Variants in CACNA2D1 observed in about 807,000 individuals in gnomAD.
CACNA2D1 encodes voltage-dependent calcium channel subunit alpha-2/delta-1.
A neutral mutation model predicts 171.5 loss-of-function variants in CACNA2D1; 53 were observed. The ratio of observed to expected loss-of-function variants is 0.31; its 90% CI spans 0.25 to 0.39. The LOEUF (loss-of-function observed/expected upper bound fraction) is 0.39, where lower values mean the gene tolerates loss of function less well. CACNA2D1 is among the 10% of genes least tolerant of loss of function. The pLI, the probability that CACNA2D1 is intolerant of heterozygous loss-of-function variation, is 1.00. For missense variants in CACNA2D1, 903 were observed against 1,299.8 expected (o/e 0.69, Z 4.69); for synonymous variants, 442 against 443.1 (o/e 1.00, Z 0.03).
chr7:82,419,951 G>A (rs1828565722), intron 1 of CACNA2D1, among the ~76,000 whole-genome samples: 1 of 152,126 alleles, frequency 6.6e-6, no homozygotes, highest in African/African-American at 2.4e-5. Flanking sequence ...ATTGCTTACT[G>A]GCATTTACTA....
intron 12 of CACNA2D1, among the ~76,000 whole-genome samples, chr7:82,031,791 G>C (rs555953908): frequency 6.6e-6 from 1 of 151,798 alleles, no homozygotes; most frequent in Non-Finnish European, 1.5e-5. Context: ...CAATCCATGT[G>C]TGTTCCTCAA....
intron 1 of CACNA2D1, among the ~76,000 whole-genome samples, chr7:82,432,820 GTTCTT>G (rs1829808804): frequency 6.6e-6 from 1 of 152,290 alleles, no homozygotes; most frequent in African/African-American, 2.4e-5. Context: ...AGAACTATTT[GTTCTT>G]TTATCTGTTT....
At chr7:82,265,416 C>CTTTTTTTTTTT (rs765047961) in intron 3 of CACNA2D1, among the ~76,000 whole-genome samples, 7 of 77,276 alleles carry the variant, frequency 9.1e-5, no homozygotes, top group Non-Finnish European at 1.5e-4. Flanking sequence ...TTTTTCCTTT[C>CTTTTTTTTTTT]TTTTTTTTTT....
intron 3 of CACNA2D1, among the ~76,000 whole-genome samples, chr7:82,217,282 T>C (rs1222249563): frequency 6.6e-6 from 1 of 150,984 alleles, no homozygotes; most frequent in Non-Finnish European, 1.5e-5. Flanking sequence ...AATCAACTAA[T>C]AAAGATAAAC....
At chr7:82,366,090 C>T (rs1821668708) in intron 1 of CACNA2D1, among the ~76,000 whole-genome samples, 2 of 152,186 alleles carry the variant, frequency 1.3e-5, no homozygotes, top group African/African-American at 4.8e-5. Context: ...CCACTCGTTG[C>T]TACAGCACAG....
At chr7:82,070,910 AGAGATGACG>A (rs1382763813) in intron 7 of CACNA2D1, among the ~76,000 whole-genome samples, 2 of 152,216 alleles carry the variant, frequency 1.3e-5, no homozygotes, top group Non-Finnish European at 2.9e-5. Flanking sequence ...AATCCACCAC[AGAGATGACG>A]GAGATGAGGA....
intron 10 of CACNA2D1, among the ~76,000 whole-genome samples, chr7:82,046,036 A>T (rs766171482): frequency 4.6e-5 from 7 of 152,130 alleles, no homozygotes; most frequent in Non-Finnish European, 8.8e-5. Flanking sequence ...AACTTTAGAA[A>T]TTTTTGTCAA....
intron 1 of CACNA2D1, among the ~76,000 whole-genome samples, chr7:82,411,892 A>ATC (rs1001359411): frequency 5.7e-5 from 7 of 123,656 alleles, no homozygotes; most frequent in Admixed American, 2.9e-4. Context: ...CGAAAACTAA[A>ATC]TCTCACACAC....
At chr7:81,971,340 T>A (rs765466295) in intron 26 of CACNA2D1, among the ~76,000 whole-genome samples, 2 of 151,600 alleles carry the variant, frequency 1.3e-5, no homozygotes, top group Admixed American at 1.3e-4. Flanking sequence ...GCCTTCATTA[T>A]GAGGTAGAGA....
At chr7:82,190,253 A>G (rs915518712) in intron 3 of CACNA2D1, among the ~76,000 whole-genome samples, 1 of 151,886 alleles carries the variant, frequency 6.6e-6, no homozygotes, top group South Asian at 2.1e-4. Context: ...TGTTCTATGC[A>G]TGAGGAATTT....
At chr7:82,145,957 T>C (rs1156667840) in intron 4 of CACNA2D1, among the ~76,000 whole-genome samples, 2 of 152,160 alleles carry the variant, frequency 1.3e-5, no homozygotes, top group African/African-American at 2.4e-5. Flanking sequence ...TTGCCACATA[T>C]CACTTTACAT....
intron 4 of CACNA2D1, among the ~76,000 whole-genome samples, chr7:82,158,012 CA>C (rs1371098855): frequency 3.3e-5 from 5 of 151,672 alleles, no homozygotes; most frequent in East Asian, 3.9e-4. Context: ...ATATATTCAG[CA>C]TAGCTGAATA....
chr7:82,030,519 T>C (rs929861140), intron 12 of CACNA2D1, among the ~76,000 whole-genome samples: 3 of 151,678 alleles, frequency 2.0e-5, no homozygotes, highest in African/African-American at 7.2e-5. Context: ...TCTTTTAAAA[T>C]CGGATATATC....
chr7:82,364,486 T>A (rs1821456474), intron 1 of CACNA2D1, among the ~76,000 whole-genome samples: 1 of 152,200 alleles, frequency 6.6e-6, no homozygotes, highest in South Asian at 2.1e-4. Context: ...TGTAGTTTCT[T>A]GCCCTGGGAT....
At chr7:81,983,383 G>T in intron 22 of CACNA2D1, 49 bp from the exon 23 acceptor site, 1 of 1,475,136 alleles carries the variant, frequency 6.8e-7, no homozygotes, top group Non-Finnish European at 9.4e-7. Context: ...AAAAAAAAGA[G>T]GGTAAAGCAA....
At chr7:82,291,746 C>T (rs1811663638) in intron 3 of CACNA2D1, among the ~76,000 whole-genome samples, 1 of 149,578 alleles carries the variant, frequency 6.7e-6, no homozygotes, top group Non-Finnish European at 1.5e-5. Context: ...CTCTGGTGAT[C>T]CTTCTGCCTC....
intron 4 of CACNA2D1, among the ~76,000 whole-genome samples, chr7:82,149,556 C>A (rs1793545527): frequency 6.6e-6 from 1 of 151,980 alleles, no homozygotes; most frequent in Non-Finnish European, 1.5e-5. Context: ...AACTGTCACT[C>A]GGAGTGTTCA....
At chr7:82,052,901 A>G (rs1381716890) in intron 10 of CACNA2D1, among the ~76,000 whole-genome samples, 1 of 152,146 alleles carries the variant, frequency 6.6e-6, no homozygotes, top group East Asian at 1.9e-4. Context: ...TATCAACCTC[A>G]CAGGGTTGCT....
intron 3 of CACNA2D1, among the ~76,000 whole-genome samples, chr7:82,313,440 C>T (rs941700089): frequency 2.6e-5 from 4 of 152,212 alleles, no homozygotes; most frequent in African/African-American, 9.6e-5. Flanking sequence ...AGAGGCCCTA[C>T]TTATCTGCAG....
Sources: gnomAD v4.1 joint callset for allele counts (sites outside exome capture counted in the v4.1 genomes callset) on GRCh38, gnomAD v4.1.1 for gene constraint, MANE v1.5 for transcripts, NCBI Gene and HGNC (gene_info 2026-07-23, HGNC 2026-07-21) for gene names.